ABCC4: variants seen among roughly 807,000 people sequenced by gnomAD.
ABCC4 encodes the protein ATP binding cassette subfamily C member 4 (PEL blood group).
In ABCC4, 102 loss-of-function variants were observed where a neutral mutation model predicts 168.5. That is an observed-to-expected ratio of 0.61 (90% CI 0.52 to 0.71). The LOEUF is 0.71. ABCC4 is among the 30% of genes least tolerant of loss of function. ABCC4 has a pLI of 0.00. For synonymous variants in ABCC4, 617 were observed against 590.7 expected, an observed-to-expected ratio of 1.04 and a Z score of -0.65; for missense variants, 1,402 against 1,605.8, an observed-to-expected ratio of 0.87 and a Z score of 2.17.
At chr13:95,175,027 T>C (rs3864996) in intron 13 of ABCC4, among the ~76,000 whole-genome samples, 41,170 of 152,110 alleles carry the variant, frequency 0.27, 5,570 homozygotes, top group East Asian at 0.35. Context: ...ATCACCATCA[T>C]ACACATCCAC....
At chr13:95,271,652 C>T (rs938831521) in intron 1 of ABCC4, among the ~76,000 whole-genome samples, 2 of 152,328 alleles carry the variant, frequency 1.3e-5, no homozygotes, top group East Asian at 3.9e-4. Flanking sequence ...CTCAAGGATA[C>T]GTTGAGACAC....
chr13:95,054,020 CCTTTTTTTT>C (rs2032954169), intron 26 of ABCC4: 1 of 73,168 alleles, frequency 1.4e-5, no homozygotes. Context: ...AATGGGACAT[CCTTTTTTTT>C]TTTTTTTTTT....
intron 19 of ABCC4, among the ~76,000 whole-genome samples, chr13:95,118,220 A>C (rs1399458868): frequency 6.6e-6 from 1 of 151,584 alleles, no homozygotes; most frequent in Non-Finnish European, 1.5e-5. Flanking sequence ...GAAACAATTC[A>C]AAGACTGGTG....
In ABCC4 at chr13:95,271,044, G is replaced by A. The variant is rs113273039; in HGVS notation, c.75-23291C>T. Among the ~76,000 whole-genome samples, 176 of 152,240 alleles carry A rather than the reference G, an allele frequency of 1.2e-3. 1 individual carries two copies. Among genetic ancestry groups the A allele is most frequent in the African/African-American group, 4.0e-3 (167 of 41,554 alleles). Reference sequence around the variant, plus strand: ...TGGGAGGCGGAGCTTGCAGTGAGCCGAGATCGCGCCACTGCACTCCAGCCT... The same window carrying A: ...TGGGAGGCGGAGCTTGCAGTGAGCCAAGATCGCGCCACTGCACTCCAGCCT... On this transcript the variant is annotated intron_variant, in intron 1 of 30. Transcript: ENST00000645237.
intron 9 of ABCC4, among the ~76,000 whole-genome samples, chr13:95,193,829 G>A (rs889901052): frequency 4.6e-5 from 7 of 152,192 alleles, no homozygotes; most frequent in Admixed American, 2.0e-4. Flanking sequence ...GTTCAGAGGC[G>A]AACGCCTCAT....
At chr13:95,090,949 G>C (rs1389739203) in intron 20 of ABCC4, among the ~76,000 whole-genome samples, 1 of 152,092 alleles carries the variant, frequency 6.6e-6, no homozygotes, top group Non-Finnish European at 1.5e-5. Context: ...AAATTCGAGA[G>C]ACATTGGACA....
chr13:95,179,617 A>C (rs990614851), intron 11 of ABCC4, among the ~76,000 whole-genome samples: 5 of 152,224 alleles, frequency 3.3e-5, no homozygotes. Context: ...CTTTACTTGG[A>C]TGGCCTATAA....
chr13:95,171,360 T>C (rs2037467355), intron 13 of ABCC4, among the ~76,000 whole-genome samples: 1 of 150,164 alleles, frequency 6.7e-6, no homozygotes, highest in Non-Finnish European at 1.5e-5. Flanking sequence ...CACTCAAAGT[T>C]CTCCTACATT....
At chr13:95,168,071 T>C (rs927340103) in intron 14 of ABCC4, among the ~76,000 whole-genome samples, 12 of 152,198 alleles carry the variant, frequency 7.9e-5, no homozygotes, top group African/African-American at 2.7e-4. Flanking sequence ...TTTCACCATG[T>C]TGGCCAGGTT....
intron 3 of ABCC4, 85 bp from the exon 4 acceptor site, chr13:95,234,919 C>T: frequency 3.0e-6 from 3 of 988,270 alleles, no homozygotes; most frequent in African/African-American, 1.6e-5. Flanking sequence ...TCAGATATTG[C>T]TTGCTCTGTC....
At chr13:95,170,501 C>T (rs1487162356) in intron 14 of ABCC4, 31 bp downstream of exon 14, 10 of 1,444,442 alleles carry the variant, frequency 6.9e-6, no homozygotes, top group Non-Finnish European at 9.6e-6. Context: ...CAAGTACTTG[C>T]AAGTTCGGGA....
chr13:95,111,570 C>T (rs1297889135), intron 20 of ABCC4, among the ~76,000 whole-genome samples: 1 of 152,170 alleles, frequency 6.6e-6, no homozygotes, highest in Admixed American at 6.5e-5. Context: ...TGACACATTA[C>T]CCTCGCTGCC....
intron 24 of ABCC4, among the ~76,000 whole-genome samples, chr13:95,072,267 C>A (rs146058027): frequency 3.0e-3 from 464 of 152,270 alleles, no homozygotes; most frequent in African/African-American, 0.011. Context: ...TTGACACCAG[C>A]CTGGTCAACA....
At chr13:95,216,608 CAAAAA>C (rs199711816) in intron 4 of ABCC4, among the ~76,000 whole-genome samples, 72,658 of 126,042 alleles carry the variant, frequency 0.58, 20,230 homozygotes, top group African/African-American at 0.62. Context: ...AGGAAATTCA[CAAAAA>C]AAAAAAAAAA....
intron 30 of ABCC4, among the ~76,000 whole-genome samples, chr13:95,029,207 TATATATAGAGAGAGAGAGAGAG>T (rs1334143651): frequency 1.9e-5 from 1 of 52,324 alleles, no homozygotes; most frequent in African/African-American, 7.3e-5. Flanking sequence ...TATATATATA[TATATATAGAGAGAGAGAGAGAG>T]AGAGAGAGAG....
At chr13:95,266,014 A>T (rs1449969637) in intron 1 of ABCC4, 1 of 152,174 alleles carries the variant, frequency 6.6e-6, no homozygotes, top group Non-Finnish European at 1.5e-5. Flanking sequence ...TTTTAACGCA[A>T]TCCTCACAAT....
chr13:95,062,584 T>A, intron 26 of ABCC4, 120 bp downstream of exon 26: 2 of 889,662 alleles, frequency 2.2e-6, no homozygotes, highest in Non-Finnish European at 1.7e-6. Context: ...AAAAACATGC[T>A]CTATTGGGTG....
intron 29 of ABCC4, among the ~76,000 whole-genome samples, chr13:95,040,276 G>A (rs1388589256): frequency 6.6e-6 from 1 of 152,180 alleles, no homozygotes; most frequent in African/African-American, 2.4e-5. Context: ...CTGTCGCCCA[G>A]GCTGGAGTGC....
intron 1 of ABCC4, chr13:95,266,081 A>G (rs2040665313): frequency 6.6e-6 from 1 of 152,258 alleles, no homozygotes; most frequent in South Asian, 2.1e-4. Context: ...GATATGCCCA[A>G]GTCCTGACCC....
Sources: allele counts gnomAD v4.1 joint callset (sites outside exome capture counted in the v4.1 genomes callset), GRCh38; gene constraint gnomAD v4.1.1; transcripts MANE v1.5; gene names NCBI Gene and HGNC (gene_info 2026-07-23, HGNC 2026-07-21).